Variants in ACADSB observed in about 807,000 individuals in gnomAD.
ACADSB encodes short/branched chain specific acyl-CoA dehydrogenase, mitochondrial.
A neutral mutation model predicts 54.1 loss-of-function variants in ACADSB; 40 were observed. That is an observed-to-expected ratio of 0.74 (90% confidence interval 0.57 to 0.96). The LOEUF (loss-of-function observed/expected upper bound fraction) is 0.96, where lower values mean the gene tolerates loss of function less well. ACADSB is among the 40% of genes least tolerant of loss of function. The probability of loss-of-function intolerance (pLI) is 0.00; values close to 1 mark genes in which losing one functional copy is unlikely to be tolerated. For missense variants in ACADSB, 530 were observed against 510.4 expected (o/e 1.04, Z -0.37); for synonymous variants, 182 against 182.8 (o/e 1.00, Z 0.03).
Position 123,058,126 on chromosome 10 carries a change from T to C in ACADSB, c.*4361T>C. The C allele has an allele frequency of 6.6e-6, 1 of 152,242 alleles. No individual in the cohort carries two copies. The highest frequency in any genetic ancestry group is 1.9e-4 in the East Asian group (1 of 5,194). 9.4% of individuals were successfully genotyped at this position (152,242 alleles called of 1,614,324 possible). On this transcript the variant is annotated 3_prime_UTR_variant, in exon 11 of 11. Coordinates refer to ENST00000358776, the MANE Select transcript of ACADSB (RefSeq NM_001609.4). Reference sequence around the variant, plus strand: ...TTGGTTTCATTGTTATGATGTATTTTATAAATGTACTAGTTATATCCTTGT... The same window carrying C: ...TTGGTTTCATTGTTATGATGTATTTCATAAATGTACTAGTTATATCCTTGT...
At chr10:123,044,313 CTA>C in intron 6 of ACADSB, 78 bp from the exon 7 acceptor site, 1 of 1,213,906 alleles carries the variant, frequency 8.2e-7, no homozygotes, top group Non-Finnish European at 1.2e-6. Flanking sequence ...AATTGAGAGT[CTA>C]TGTGTACTTA....
intron 1 of ACADSB, among the ~76,000 whole-genome samples, chr10:123,012,706 G>A (rs1474877183): frequency 3.9e-5 from 6 of 152,154 alleles, no homozygotes; most frequent in African/African-American, 9.7e-5. Context: ...CTGGCTTCAG[G>A]AGTGAAGCTG....
chr10:123,039,314 A>G (rs1850441440), intron 3 of ACADSB, among the ~76,000 whole-genome samples: 1 of 152,162 alleles, frequency 6.6e-6, no homozygotes, highest in Non-Finnish European at 1.5e-5. Context: ...TGTAGCCCAA[A>G]ATGTAACAGC....
intron 6 of ACADSB, among the ~76,000 whole-genome samples, chr10:123,044,083 A>C (rs1461482484): frequency 4.1e-5 from 6 of 146,066 alleles, no homozygotes; most frequent in African/African-American, 1.5e-4. Context: ...TGTAGCCTAC[A>C]GATAAGAATT....
chr10:123,050,160 TTTTG>T (rs1178863356), intron 8 of ACADSB, among the ~76,000 whole-genome samples: 1 of 152,246 alleles, frequency 6.6e-6, no homozygotes, highest in African/African-American at 2.4e-5. Flanking sequence ...TTTCCCTCCC[TTTTG>T]TTTAAGAAAG....
Position 123,037,827 on chromosome 10 carries a change from C to A in ACADSB, c.283C>A (p.Gln95Lys), listed in dbSNP as rs762196791. 10 of 1,600,800 alleles carry A rather than the reference C, an allele frequency of 6.2e-6. No individual in the cohort carries two copies. In the East Asian group the frequency reaches 2.2e-4, roughly 36 times the overall value. ...ENSKMEKSVI[Q>K]GLFQQGLMGI... ...TTCGAAAATGGAGAAATCAGTAATA[C>A]AAGGATTATTTCAACAAGGGGTACA... is the stretch of plus-strand genomic sequence containing the variant. Residue 95 changes from glutamine (Q) to lysine (K), a missense_variant, in exon 3 of 11, where the codon CAA becomes AAA. By Grantham distance (53) the Gln-to-Lys change is moderately conservative (BLOSUM62 1). Transcript: ENST00000358776.
chr10:123,047,098 G>A, intron 7 of ACADSB, 111 bp from the exon 8 acceptor site: 1 of 894,502 alleles, frequency 1.1e-6, no homozygotes, highest in Non-Finnish European at 1.8e-6. Context: ...AGCATCTCCA[G>A]TTCTTCCCCT....
At chr10:123,035,252 A>G (rs748684597) in intron 2 of ACADSB, among the ~76,000 whole-genome samples, 7 of 152,008 alleles carry the variant, frequency 4.6e-5, no homozygotes, top group South Asian at 4.1e-4. Context: ...CACCATGCCC[A>G]GCCTAGATAG....
chr10:123,015,347 T>A (rs1850097105), intron 1 of ACADSB, among the ~76,000 whole-genome samples: 1 of 152,204 alleles, frequency 6.6e-6, no homozygotes, highest in African/African-American at 2.4e-5. Context: ...TGGGCCTACA[T>A]TGTCGTTTTT....
chr10:123,029,514 A>C (rs1204085685), intron 1 of ACADSB, among the ~76,000 whole-genome samples: 1 of 152,186 alleles, frequency 6.6e-6, no homozygotes, highest in Non-Finnish European at 1.5e-5. Flanking sequence ...AATATGTACT[A>C]TCATTTGGTG....
chr10:123,041,401 C>A (rs771019527), intron 5 of ACADSB, 22 bp downstream of exon 5: 2 of 1,612,920 alleles, frequency 1.2e-6, no homozygotes, highest in South Asian at 2.2e-5. Flanking sequence ...AACGAAATTT[C>A]TTTCTTTTTC....
Position 123,054,123 on chromosome 10 carries a change from T to C in ACADSB, c.*358T>C, listed in dbSNP as rs184796725. 1.8e-3 allele frequency: 475 copies of C among 261,802 alleles called. 7 individuals are homozygous for C. In the Admixed American group the frequency reaches 0.022, roughly 12 times the overall value. 16.2% of individuals were successfully genotyped at this position (261,802 alleles called of 1,614,324 possible). On this transcript the variant is annotated 3_prime_UTR_variant, in exon 11 of 11. Coordinates refer to ENST00000358776, the MANE Select transcript of ACADSB (RefSeq NM_001609.4). The stretch of plus-strand genomic sequence containing the variant: ...CTCACTGCAGCCTTGACCTCCTGGG[T>C]TCCAGTGATTCTCATGCCTCATCCT...
intron 7 of ACADSB, among the ~76,000 whole-genome samples, chr10:123,044,753 T>C (rs116337154): frequency 0.01 from 1,565 of 152,286 alleles, 25 homozygotes; most frequent in African/African-American, 0.036. Flanking sequence ...CGATAGCTTT[T>C]CAAATGTATT....
intron 1 of ACADSB, among the ~76,000 whole-genome samples, chr10:123,032,083 A>G (rs911781449): frequency 2.6e-5 from 4 of 151,614 alleles, no homozygotes; most frequent in Non-Finnish European, 2.9e-5. Context: ...GGGTTCAAGC[A>G]ATTCTCCTGC....
At position 123,037,463 on chromosome 10, in the gene ACADSB, G is replaced by A. The variant is rs116682324; in HGVS notation, c.203-284G>A. The stretch of plus-strand genomic sequence containing the variant: ...ATTTAAAATTAGTCACCTTTGGGTA[G>A]AGTGGAAATGGCTTTCATTTTTCAT... On this transcript the variant is annotated intron_variant, in intron 2 of 10. Coordinates refer to ENST00000358776, the MANE Select transcript of ACADSB (RefSeq NM_001609.4). Among the ~76,000 whole-genome samples, 746 of 152,304 alleles carry A rather than the reference G, an allele frequency of 4.9e-3. 3 individuals are homozygous for A. The highest frequency in any genetic ancestry group is 0.017 in the African/African-American group (710 of 41,556).
intron 1 of ACADSB, among the ~76,000 whole-genome samples, chr10:123,028,257 T>G (rs1321905270): frequency 2.4e-5 from 1 of 41,946 alleles, no homozygotes; most frequent in Non-Finnish European, 9.5e-5. Context: ...ACTAGTTTAA[T>G]TATTGTAACA....
chr10:123,011,652 G>A (rs1292563291), intron 1 of ACADSB, among the ~76,000 whole-genome samples: 3 of 151,004 alleles, frequency 2.0e-5, no homozygotes, highest in African/African-American at 7.3e-5. Flanking sequence ...TCAGCCTCCC[G>A]AGTAACTGGG....
At chr10:123,053,660 C>T in intron 10 of ACADSB, 35 bp from the exon 11 acceptor site, 1 of 1,574,926 alleles carries the variant, frequency 6.3e-7, no homozygotes, top group Non-Finnish European at 8.7e-7. Context: ...CATGCGCCAA[C>T]TCCTCATTGT....
At chr10:123,013,920 C>T (rs900869304) in intron 1 of ACADSB, among the ~76,000 whole-genome samples, 11 of 152,214 alleles carry the variant, frequency 7.2e-5, no homozygotes, top group Non-Finnish European at 2.9e-5. Flanking sequence ...GAGCTGGCTC[C>T]AGCCTTGGCC....
Sources: gnomAD v4.1 joint callset for allele counts (sites outside exome capture counted in the v4.1 genomes callset) on GRCh38, gnomAD v4.1.1 for gene constraint, MANE v1.5 for transcripts, NCBI Gene and HGNC (gene_info 2026-07-23, HGNC 2026-07-21) for gene names.